RUNX1T1: variants seen among roughly 807,000 people sequenced by gnomAD.
RUNX1T1 encodes protein CBFA2T1.
In RUNX1T1, 4 loss-of-function variants were observed where a neutral mutation model predicts 62.8. The observed-to-expected ratio is 0.06, with a 90% CI of 0.03 to 0.15. The LOEUF is 0.15. Among genes scored for constraint, RUNX1T1 ranks in the 10% least tolerant of loss-of-function variants. The probability of loss-of-function intolerance (pLI) is 1.00; values close to 1 mark genes in which losing one functional copy is unlikely to be tolerated. For missense variants in RUNX1T1, 508 were observed against 754.3 expected (o/e 0.67, Z 3.82); for synonymous variants, 291 against 286.0 (o/e 1.02, Z -0.18).
intron 3 of RUNX1T1, among the ~76,000 whole-genome samples, chr8:92,014,029 T>C (rs961509318): frequency 6.6e-6 from 1 of 152,116 alleles, no homozygotes; most frequent in African/African-American, 2.4e-5. Flanking sequence ...TGATGAACTG[T>C]ATGTATATTT....
At chr8:91,969,609 C>T (rs886746214) in intron 10 of RUNX1T1, among the ~76,000 whole-genome samples, 1 of 152,122 alleles carries the variant, frequency 6.6e-6, no homozygotes, top group African/African-American at 2.4e-5. Flanking sequence ...TCCCTTTGTC[C>T]CTCTTTTCCT....
intron 1 of RUNX1T1, among the ~76,000 whole-genome samples, chr8:92,044,730 C>T (rs1205923832): frequency 6.6e-6 from 1 of 152,174 alleles, no homozygotes; most frequent in Non-Finnish European, 1.5e-5. Context: ...TTCATTTAAT[C>T]CTCAAGAGAA....
intron 1 of RUNX1T1, among the ~76,000 whole-genome samples, chr8:92,082,500 A>G (rs1649524817): frequency 6.6e-6 from 1 of 152,162 alleles, no homozygotes; most frequent in South Asian, 2.1e-4. Context: ...TTAAGACAAT[A>G]TGAAAACATC....
chr8:92,000,711 C>A (rs971001453), intron 5 of RUNX1T1, among the ~76,000 whole-genome samples: 1 of 152,156 alleles, frequency 6.6e-6, no homozygotes, highest in Admixed American at 6.5e-5. Context: ...ATCCTCCAAC[C>A]TTCAGCATTT....
intron 1 of RUNX1T1, among the ~76,000 whole-genome samples, chr8:92,040,328 T>G (rs1828207446): frequency 6.6e-6 from 1 of 152,136 alleles, no homozygotes; most frequent in Non-Finnish European, 1.5e-5. Context: ...AACTATTATA[T>G]TTGCAGGTGT....
intron 1 of RUNX1T1, among the ~76,000 whole-genome samples, chr8:92,097,796 TCA>T (rs1320749574): frequency 1.3e-5 from 2 of 152,184 alleles, no homozygotes; most frequent in South Asian, 2.1e-4. Context: ...GACTTTTGGC[TCA>T]CAGTTATAGA....
At chr8:92,005,636 T>C (rs1350029079) in intron 4 of RUNX1T1, 4 of 216,882 alleles carry the variant, frequency 1.8e-5, no homozygotes, top group African/African-American at 4.6e-5. Flanking sequence ...ATAAGAACTT[T>C]TGTTCTCCAC....
At chr8:92,061,264 C>A (rs1198170152) in intron 1 of RUNX1T1, among the ~76,000 whole-genome samples, 5 of 152,094 alleles carry the variant, frequency 3.3e-5, no homozygotes, top group Non-Finnish European at 7.4e-5. Flanking sequence ...TAAAAAAGAT[C>A]TGAATTATGA....
chr8:91,979,149 ATACCTTGATAAACAC>A (rs1406665604), intron 8 of RUNX1T1, among the ~76,000 whole-genome samples: 27 of 152,332 alleles, frequency 1.8e-4, no homozygotes, highest in Admixed American at 1.6e-3. Context: ...AATCTATTTG[ATACCTTGATAAACAC>A]TACTTTAATA....
chr8:92,095,499 G>A (rs901504724), intron 1 of RUNX1T1: 2 of 1,519,528 alleles, frequency 1.3e-6, no homozygotes, highest in Non-Finnish European at 1.8e-6. Context: ...GCGCAGGAGG[G>A]AGAGGAGAGA....
chr8:92,095,279 GC>G, intron 1 of RUNX1T1: 1 of 1,515,228 alleles, frequency 6.6e-7, no homozygotes, highest in Non-Finnish European at 8.8e-7. Flanking sequence ...GCCTCCCCAC[GC>G]CCCCCTTCCT....
At chr8:91,973,400 A>T (rs988662918) in intron 9 of RUNX1T1, among the ~76,000 whole-genome samples, 1 of 152,004 alleles carries the variant, frequency 6.6e-6, no homozygotes, top group African/African-American at 2.4e-5. Context: ...ATCATTTCAA[A>T]ATAAAATGAT....
At chr8:92,008,619 A>T (rs1396014233) in intron 4 of RUNX1T1, among the ~76,000 whole-genome samples, 2 of 152,166 alleles carry the variant, frequency 1.3e-5, no homozygotes, top group South Asian at 2.1e-4. Flanking sequence ...AATCAGGAGA[A>T]TTGACTCACA....
chr8:92,050,273 G>C (rs901512711), intron 1 of RUNX1T1, among the ~76,000 whole-genome samples: 1 of 152,126 alleles, frequency 6.6e-6, no homozygotes. Context: ...TAGATCAAGA[G>C]CAACAAACTA....
intron 1 of RUNX1T1, among the ~76,000 whole-genome samples, chr8:92,027,493 C>T (rs942646443): frequency 6.6e-6 from 1 of 152,170 alleles, no homozygotes; most frequent in Non-Finnish European, 1.5e-5. Context: ...TCAGACCTTT[C>T]AGTTGCTTTA....
intron 1 of RUNX1T1, among the ~76,000 whole-genome samples, chr8:92,040,882 T>G (rs1048146231): frequency 6.6e-6 from 1 of 151,798 alleles, no homozygotes; most frequent in Admixed American, 6.6e-5. Flanking sequence ...ATAATATAAA[T>G]TTTTTTTTCA....
At chr8:92,011,129 G>A (rs1313560595) in intron 3 of RUNX1T1, 38 bp from the exon 5 acceptor site, 2 of 1,136,064 alleles carry the variant, frequency 1.8e-6, no homozygotes, top group South Asian at 1.2e-5. Flanking sequence ...ACATTAGCCT[G>A]TTGGTAAATA....
intron 5 of RUNX1T1, among the ~76,000 whole-genome samples, chr8:91,998,736 C>T (rs551960047): frequency 3.3e-5 from 5 of 152,172 alleles, no homozygotes; most frequent in Non-Finnish European, 5.9e-5. Context: ...TTTTGCTGCT[C>T]CTGCTGTTTG....
At position 91,960,136 on chromosome 8, in the gene RUNX1T1, A is replaced by G. The variant is rs1203083511; in HGVS notation, c.*106T>C. 4 of 1,164,542 alleles carry G rather than the reference A, an allele frequency of 3.4e-6. No homozygotes were observed. The African/African-American group carries it at 6.2e-5, about 18-fold the overall frequency. The allele number at this position is 1,164,542 out of a possible 1,614,324, so 72.1% of individuals were successfully genotyped here. Reference sequence around the variant, plus strand: ...CTGAAGTACTGAAATAGGATAATTCATCTAATAAACAAACAAACAAAAAAA... The same window carrying G: ...CTGAAGTACTGAAATAGGATAATTCGTCTAATAAACAAACAAACAAAAAAA... On this transcript the variant is annotated 3_prime_UTR_variant, in exon 11 of 11. Coordinates refer to ENST00000396218, the Ensembl canonical transcript of RUNX1T1.
Sources: gnomAD v4.1 joint callset for allele counts (sites outside exome capture counted in the v4.1 genomes callset) on GRCh38, gnomAD v4.1.1 for gene constraint, MANE v1.5 for transcripts, NCBI Gene and HGNC (gene_info 2026-07-23, HGNC 2026-07-21) for gene names.